MGAT4C: variants seen among roughly 807,000 people sequenced by gnomAD.
MGAT4C encodes alpha-1,3-mannosyl-glycoprotein 4-beta-N-acetylglucosaminyltransferase C.
Under a neutral mutation model 40.1 loss-of-function variants are expected in MGAT4C, and 19 were observed. The observed-to-expected ratio is 0.47, with a 90% CI of 0.33 to 0.70. The LOEUF (loss-of-function observed/expected upper bound fraction) is 0.70, where lower values mean the gene tolerates loss of function less well. Among genes scored for constraint, MGAT4C ranks in the 30% least tolerant of loss-of-function variants. The pLI is 0.02. For synonymous variants in MGAT4C, 181 were observed against 187.1 expected (o/e 0.97, Z 0.27); for missense variants, 491 against 563.2 (o/e 0.87, Z 1.30).
At chr12:86,275,805 G>A (rs1030111280) in intron 4 of MGAT4C, among the ~76,000 whole-genome samples, 3 of 152,014 alleles carry the variant, frequency 2.0e-5, no homozygotes, top group Non-Finnish European at 4.4e-5. Flanking sequence ...CTCCAAAACT[G>A]TAAGAAAATA....
intron 2 of MGAT4C, among the ~76,000 whole-genome samples, chr12:86,640,340 G>A (rs1408103069): frequency 6.6e-6 from 1 of 151,724 alleles, no homozygotes; most frequent in African/African-American, 2.4e-5. Flanking sequence ...ATTGAATAAA[G>A]TTTAGATAGA....
chr12:86,464,448 A>G (rs1003437227), intron 2 of MGAT4C, among the ~76,000 whole-genome samples: 1 of 152,166 alleles, frequency 6.6e-6, no homozygotes, highest in African/African-American at 2.4e-5. Context: ...AAACGTGCAC[A>G]CCTGCTTATA....
chr12:86,438,496 C>G (rs1280888408), intron 2 of MGAT4C, among the ~76,000 whole-genome samples: 2 of 151,802 alleles, frequency 1.3e-5, no homozygotes, highest in East Asian at 3.9e-4. Flanking sequence ...CTAGAGTAAA[C>G]AACAAATTTT....
At chr12:86,838,496 G>A (rs952545034) in intron 1 of MGAT4C, among the ~76,000 whole-genome samples, 9 of 152,042 alleles carry the variant, frequency 5.9e-5, no homozygotes, top group Admixed American at 5.2e-4. Context: ...CTAATCTTCA[G>A]TAAAGGGAGC....
At chr12:86,354,827 G>T (rs1955269852) in intron 3 of MGAT4C, among the ~76,000 whole-genome samples, 1 of 152,314 alleles carries the variant, frequency 6.6e-6, no homozygotes, top group South Asian at 2.1e-4. Context: ...GAATGGAGCT[G>T]CAGACCTTCA....
intron 3 of MGAT4C, among the ~76,000 whole-genome samples, chr12:86,427,079 G>A (rs112102980): frequency 2.0e-5 from 3 of 152,130 alleles, no homozygotes; most frequent in Non-Finnish European, 4.4e-5. Flanking sequence ...AGGAGGTATT[G>A]GGGAAAGAAA....
intron 3 of MGAT4C, among the ~76,000 whole-genome samples, chr12:86,427,403 CTTT>C (rs750938019): frequency 6.6e-5 from 10 of 151,720 alleles, no homozygotes. Flanking sequence ...TTTTCTTTTA[CTTT>C]TTATCTTTTC....
chr12:86,719,111 G>T (rs1002478445), intron 2 of MGAT4C, among the ~76,000 whole-genome samples: 1 of 152,118 alleles, frequency 6.6e-6, no homozygotes, highest in African/African-American at 2.4e-5. Flanking sequence ...AGTTAACATA[G>T]CCCCTACCTC....
intron 1 of MGAT4C, among the ~76,000 whole-genome samples, chr12:86,222,596 T>C (rs1283192158): frequency 6.6e-6 from 1 of 152,216 alleles, no homozygotes; most frequent in Non-Finnish European, 1.5e-5. Context: ...GAATCTCAGC[T>C]AGCTCAAAGA....
At chr12:86,213,938 C>T (rs536220576) in intron 1 of MGAT4C, among the ~76,000 whole-genome samples, 1 of 152,306 alleles carries the variant, frequency 6.6e-6, no homozygotes, top group African/African-American at 2.4e-5. Flanking sequence ...ATTGTATGCC[C>T]ATAAGACTTA....
intron 2 of MGAT4C, among the ~76,000 whole-genome samples, chr12:86,003,158 A>G (rs552923293): frequency 6.6e-6 from 1 of 152,284 alleles, no homozygotes; most frequent in South Asian, 2.1e-4. Flanking sequence ...TATATAAGGT[A>G]AATATTTCTA....
At chr12:86,229,102 A>G (rs77541240) in intron 1 of MGAT4C, among the ~76,000 whole-genome samples, 2,280 of 152,026 alleles carry the variant, frequency 0.015, 33 homozygotes, top group African/African-American at 0.036. Context: ...AATGATCATA[A>G]GGAAGTTCAA....
At chr12:86,648,485 T>C (rs1963609015) in intron 2 of MGAT4C, among the ~76,000 whole-genome samples, 1 of 151,780 alleles carries the variant, frequency 6.6e-6, no homozygotes, top group Admixed American at 6.6e-5. Flanking sequence ...ATTAATACCC[T>C]TGTGAAAAAG....
Position 85,963,614 on chromosome 12 carries a change from C to T in MGAT4C, c.*15675G>A, listed in dbSNP as rs1883221879. On this transcript the variant is annotated 3_prime_UTR_variant, in exon 5 of 5. Transcript: ENST00000611864. Reference sequence around the variant, plus strand: ...ACCATGAGATTTCATTCTGGCATGTCCCCAGAATGTAATTATCAATGAACA... The same window carrying T: ...ACCATGAGATTTCATTCTGGCATGTTCCCAGAATGTAATTATCAATGAACA... 6.6e-6 allele frequency: 1 copy of T among 151,752 alleles called. No homozygotes were observed. The highest frequency in any genetic ancestry group is 1.5e-5 in the Non-Finnish European group (1 of 67,850). The allele number at this position is 151,752 out of a possible 1,614,324, so 9.4% of individuals were successfully genotyped here.
chr12:86,774,331 C>CTTTCTTTCTTTCTTTCTTTCTTTCTT (rs1555227805), intron 1 of MGAT4C, among the ~76,000 whole-genome samples: 3 of 106,732 alleles, frequency 2.8e-5, no homozygotes. Flanking sequence ...TTCTTTCTTT[C>CTTTCTTTCTTTCTTTCTTTCTTTCTT]TTTCTTTCTG....
intron 2 of MGAT4C, among the ~76,000 whole-genome samples, chr12:86,664,413 G>C (rs1470207894): frequency 3.3e-5 from 5 of 152,002 alleles, no homozygotes; most frequent in Admixed American, 3.3e-4. Context: ...AAAGGGATTT[G>C]TCAGAAAATA....
intron 2 of MGAT4C, among the ~76,000 whole-genome samples, chr12:86,706,276 G>A (rs1362164382): frequency 6.6e-6 from 1 of 151,976 alleles, no homozygotes; most frequent in Non-Finnish European, 1.5e-5. Flanking sequence ...TTGAGGGAGA[G>A]AATTAATTTG....
chr12:86,024,545 A>C (rs1416207736), intron 2 of MGAT4C, among the ~76,000 whole-genome samples: 3 of 151,788 alleles, frequency 2.0e-5, no homozygotes, highest in South Asian at 4.1e-4. Context: ...TTATATAAAG[A>C]CTCTTAAAGT....
chr12:86,673,834 A>G (rs895479300), intron 2 of MGAT4C, among the ~76,000 whole-genome samples: 9 of 148,508 alleles, frequency 6.1e-5, no homozygotes, highest in Non-Finnish European at 9.1e-5. Context: ...AAAAAAAAAC[A>G]TTATCAATTA....
Sources: gnomAD v4.1 joint callset for allele counts (sites outside exome capture counted in the v4.1 genomes callset) on GRCh38, gnomAD v4.1.1 for gene constraint, MANE v1.5 for transcripts, NCBI Gene and HGNC (gene_info 2026-07-23, HGNC 2026-07-21) for gene names.